The following KCNIP1 variants were observed in gnomAD, a reference collection of about 807,000 sequenced individuals.
KCNIP1 encodes the protein potassium voltage-gated channel interacting protein 1, also known as A-type potassium channel modulatory protein KCNIP1.
A neutral mutation model predicts 33.0 loss-of-function variants in KCNIP1; 18 were observed. The observed-to-expected ratio is 0.55, with a 90% CI of 0.38 to 0.81. The LOEUF is 0.81. Among genes scored for constraint, KCNIP1 ranks in the 30% least tolerant of loss-of-function variants. The pLI is 0.00. For synonymous variants in KCNIP1, 93 were observed against 98.3 expected, an observed-to-expected ratio of 0.95 and a Z score of 0.32; for missense variants, 238 against 271.6, an observed-to-expected ratio of 0.88 and a Z score of 0.87.
chr5:170,422,475 A>T (rs974436649), intron 1 of KCNIP1: 9 of 152,256 alleles, frequency 5.9e-5, no homozygotes, highest in Admixed American at 2.0e-4. Context: ...GGGGGCCAGC[A>T]TGAGCCCAGG....
intron 1 of KCNIP1, among the ~76,000 whole-genome samples, chr5:170,462,717 C>T (rs116673162): frequency 0.044 from 6,619 of 152,100 alleles, 379 homozygotes; most frequent in African/African-American, 0.13. Flanking sequence ...ATTGTAAAAA[C>T]GTGGAACCAG....
chr5:170,445,302 T>TTGAA (rs58668795), intron 1 of KCNIP1, among the ~76,000 whole-genome samples: 23 of 151,778 alleles, frequency 1.5e-4, no homozygotes, highest in African/African-American at 4.8e-4. Flanking sequence ...TGCTCATTCG[T>TTGAA]TGAATGAATG....
chr5:170,669,755 A>G (rs890940918), intron 1 of KCNIP1: 3 of 567,442 alleles, frequency 5.3e-6, no homozygotes, highest in Admixed American at 1.3e-4. Context: ...AGTGGATTAC[A>G]AAGAGCACAC....
At chr5:170,530,095 C>G (rs769717033) in intron 1 of KCNIP1, among the ~76,000 whole-genome samples, 23 of 152,144 alleles carry the variant, frequency 1.5e-4, no homozygotes, top group Non-Finnish European at 3.1e-4. Flanking sequence ...TTGTCCTAAC[C>G]CTTGGAGGGC....
At chr5:170,656,992 C>CTTTTT (rs11397076) in intron 1 of KCNIP1, among the ~76,000 whole-genome samples, 84 of 116,444 alleles carry the variant, frequency 7.2e-4, no homozygotes, top group African/African-American at 1.9e-3. Flanking sequence ...TTTTTTCTTT[C>CTTTTT]TTTCTTTTTT....
At chr5:170,735,621 CCTTA>C (rs1764360964) in intron 7 of KCNIP1, 134 bp from the exon 8 acceptor site, 1 of 691,526 alleles carries the variant, frequency 1.4e-6, no homozygotes, top group Admixed American at 2.2e-5. Flanking sequence ...AGGTCCCCAC[CCTTA>C]CTTCTTGTTT....
intron 1 of KCNIP1, among the ~76,000 whole-genome samples, chr5:170,513,470 C>T (rs1428104401): frequency 2.0e-5 from 3 of 152,194 alleles, no homozygotes; most frequent in Admixed American, 6.5e-5. Flanking sequence ...GGATGATGTA[C>T]GCCCATTAAG....
chr5:170,566,384 C>T (rs6861762), intron 1 of KCNIP1, among the ~76,000 whole-genome samples: 12,306 of 152,218 alleles, frequency 0.081, 1,571 homozygotes, highest in African/African-American at 0.26. Flanking sequence ...TTAGCCACCG[C>T]GCCCGGCCAA....
intron 1 of KCNIP1, among the ~76,000 whole-genome samples, chr5:170,677,362 T>C (rs762046377): frequency 1.1e-4 from 17 of 152,192 alleles, no homozygotes; most frequent in Non-Finnish European, 8.8e-5. Flanking sequence ...TTACTGGGTA[T>C]CAGGGACTGT....
At chr5:170,403,589 C>T (rs1754962187) in intron 1 of KCNIP1, among the ~76,000 whole-genome samples, 1 of 152,136 alleles carries the variant, frequency 6.6e-6, no homozygotes, top group South Asian at 2.1e-4. Context: ...ATGAAGTGGC[C>T]ATCCTAACTT....
At chr5:170,634,601 G>A (rs1760211737) in intron 1 of KCNIP1, among the ~76,000 whole-genome samples, 2 of 152,154 alleles carry the variant, frequency 1.3e-5, no homozygotes, top group Non-Finnish European at 2.9e-5. Flanking sequence ...AGCTCTCCCA[G>A]GGAGTGTGTG....
At chr5:170,402,993 T>C (rs1754947279) in intron 1 of KCNIP1, among the ~76,000 whole-genome samples, 1 of 152,246 alleles carries the variant, frequency 6.6e-6, no homozygotes, top group South Asian at 2.1e-4. Flanking sequence ...CTCGTTCACG[T>C]ACGCCTGTTC....
intron 1 of KCNIP1, among the ~76,000 whole-genome samples, chr5:170,563,342 G>A (rs1757098548): frequency 6.6e-6 from 1 of 152,160 alleles, no homozygotes; most frequent in Non-Finnish European, 1.5e-5. Flanking sequence ...CATCCCAGTG[G>A]CTGCTATTGA....
At chr5:170,706,534 A>T (rs1262613540) in intron 1 of KCNIP1, among the ~76,000 whole-genome samples, 1 of 152,158 alleles carries the variant, frequency 6.6e-6, no homozygotes, top group Non-Finnish European at 1.5e-5. Flanking sequence ...CTAATCAGAA[A>T]CCATCACTTA....
intron 1 of KCNIP1, among the ~76,000 whole-genome samples, chr5:170,421,441 A>G (rs1755488956): frequency 6.6e-6 from 1 of 152,126 alleles, no homozygotes; most frequent in African/African-American, 2.4e-5. Flanking sequence ...ACAAAATATC[A>G]TAAGCTGGCC....
chr5:170,355,681 C>T (rs936806561), intron 1 of KCNIP1, among the ~76,000 whole-genome samples: 7 of 152,150 alleles, frequency 4.6e-5, no homozygotes, highest in African/African-American at 1.7e-4. Flanking sequence ...GGGAGGAAGC[C>T]GAAGCTGCCA....
intron 2 of KCNIP1, among the ~76,000 whole-genome samples, chr5:170,719,875 G>A (rs1186139004): frequency 6.6e-6 from 1 of 152,156 alleles, no homozygotes; most frequent in Admixed American, 6.5e-5. Flanking sequence ...GGCAGGCACT[G>A]GGCTCAGAGG....
chr5:170,551,625 T>C (rs970669717), intron 1 of KCNIP1, among the ~76,000 whole-genome samples: 8 of 151,914 alleles, frequency 5.3e-5, no homozygotes, highest in Non-Finnish European at 1.0e-4. Context: ...TAGCTGTGTG[T>C]GTGTGTGTGT....
chr5:170,558,558 C>G (rs1287520302), intron 1 of KCNIP1, among the ~76,000 whole-genome samples: 1 of 152,212 alleles, frequency 6.6e-6, no homozygotes, highest in East Asian at 1.9e-4. Flanking sequence ...TGGAAGCGCT[C>G]TCACAGTGAC....
Sources: gnomAD v4.1 joint callset for allele counts (sites outside exome capture counted in the v4.1 genomes callset) on GRCh38, gnomAD v4.1.1 for gene constraint, MANE v1.5 for transcripts, NCBI Gene and HGNC (gene_info 2026-07-23, HGNC 2026-07-21) for gene names.